KLHL1: variants seen among roughly 807,000 people sequenced by gnomAD.
KLHL1 encodes the protein kelch like family member 1.
In KLHL1, 47 loss-of-function variants were observed where a neutral mutation model predicts 77.7. That is an observed-to-expected ratio of 0.60 (90% CI 0.48 to 0.77). The LOEUF is 0.77. Ranked by LOEUF, KLHL1 falls within the 30% of genes least tolerant of loss-of-function variation. The pLI, the probability that KLHL1 is intolerant of heterozygous loss-of-function variation, is 0.00. For synonymous variants in KLHL1, 360 were observed against 325.2 expected, an observed-to-expected ratio of 1.11 and a Z score of -1.15; for missense variants, 925 against 910.8, an observed-to-expected ratio of 1.02 and a Z score of -0.20.
At chr13:69,976,328 A>C (rs1426339618) in intron 1 of KLHL1, among the ~76,000 whole-genome samples, 3 of 152,146 alleles carry the variant, frequency 2.0e-5, no homozygotes, top group East Asian at 1.9e-4. Context: ...ATTGACTTTC[A>C]TGTTCTGCAC....
chr13:69,915,442 A>G (rs1882393987), intron 4 of KLHL1, among the ~76,000 whole-genome samples: 1 of 152,180 alleles, frequency 6.6e-6, no homozygotes. Context: ...AATGCTGCAT[A>G]TCTACAACTA....
chr13:69,934,568 A>T (rs986975331), intron 4 of KLHL1, among the ~76,000 whole-genome samples: 2 of 152,010 alleles, frequency 1.3e-5, no homozygotes, highest in Non-Finnish European at 2.9e-5. Flanking sequence ...CTTAAAATTA[A>T]ACCTTTGTCC....
At chr13:69,905,257 G>A (rs1244999691) in intron 4 of KLHL1, among the ~76,000 whole-genome samples, 4 of 152,192 alleles carry the variant, frequency 2.6e-5, no homozygotes, top group South Asian at 2.1e-4. Flanking sequence ...ATGTAGTAAC[G>A]ATGCTGATAA....
At chr13:69,986,871 T>A (rs1050130502) in intron 1 of KLHL1, among the ~76,000 whole-genome samples, 1 of 151,952 alleles carries the variant, frequency 6.6e-6, no homozygotes, top group African/African-American at 2.4e-5. Flanking sequence ...ATATTAATAT[T>A]CAAAATTGAT....
At chr13:69,898,299 T>C (rs28760376) in intron 4 of KLHL1, among the ~76,000 whole-genome samples, 1 of 152,196 alleles carries the variant, frequency 6.6e-6, no homozygotes, top group Admixed American at 6.5e-5. Flanking sequence ...ACCTCAGGAC[T>C]GGGTTTTAAA....
At chr13:69,903,450 A>G (rs1881938749) in intron 4 of KLHL1, among the ~76,000 whole-genome samples, 1 of 151,998 alleles carries the variant, frequency 6.6e-6, no homozygotes, top group Non-Finnish European at 1.5e-5. Flanking sequence ...AATTGCATAA[A>G]CAAGCCTGAT....
intron 7 of KLHL1, among the ~76,000 whole-genome samples, chr13:69,792,708 C>A (rs1010175172): frequency 6.6e-6 from 1 of 152,004 alleles, no homozygotes; most frequent in African/African-American, 2.4e-5. Flanking sequence ...CATCCATAAA[C>A]GGAATGAAAT....
intron 1 of KLHL1, among the ~76,000 whole-genome samples, chr13:70,093,360 G>T (rs1219500229): frequency 6.6e-6 from 1 of 151,956 alleles, no homozygotes. Flanking sequence ...AACCAGATGG[G>T]GCATCTCTGA....
intron 3 of KLHL1, among the ~76,000 whole-genome samples, chr13:69,942,318 A>G (rs1240648933): frequency 6.6e-6 from 1 of 152,038 alleles, no homozygotes; most frequent in African/African-American, 2.4e-5. Context: ...TGAAATTTGA[A>G]TATAAGACTT....
intron 6 of KLHL1, among the ~76,000 whole-genome samples, chr13:69,812,886 C>T (rs1877946705): frequency 6.8e-6 from 1 of 146,286 alleles, no homozygotes. Flanking sequence ...GGACTGTAAA[C>T]TAGTTCAACC....
chr13:69,982,635 T>G (rs1884744334), intron 1 of KLHL1, among the ~76,000 whole-genome samples: 1 of 151,414 alleles, frequency 6.6e-6, no homozygotes, highest in Admixed American at 6.6e-5. Context: ...TGTCAATAAT[T>G]ACCTTAATGA....
intron 7 of KLHL1, among the ~76,000 whole-genome samples, chr13:69,751,662 G>A (rs1874486769): frequency 6.6e-6 from 1 of 152,058 alleles, no homozygotes; most frequent in South Asian, 2.1e-4. Context: ...ATACAGTGTG[G>A]GGCCTTGTAT....
At chr13:70,011,218 T>A (rs1048272203) in intron 1 of KLHL1, among the ~76,000 whole-genome samples, 12 of 152,210 alleles carry the variant, frequency 7.9e-5, no homozygotes, top group African/African-American at 2.6e-4. Flanking sequence ...TATTGTTGTC[T>A]CAAATGCCAA....
At chr13:69,770,106 G>A (rs1179899739) in intron 7 of KLHL1, among the ~76,000 whole-genome samples, 2 of 152,140 alleles carry the variant, frequency 1.3e-5, no homozygotes, top group African/African-American at 2.4e-5. Flanking sequence ...CTCCTCAGGA[G>A]AGAGCTATAA....
intron 1 of KLHL1, among the ~76,000 whole-genome samples, chr13:69,993,425 G>A (rs759426595): frequency 7.9e-5 from 12 of 151,960 alleles, no homozygotes; most frequent in Non-Finnish European, 1.2e-4. Flanking sequence ...TCATAAATAA[G>A]GAATCAATCT....
intron 7 of KLHL1, among the ~76,000 whole-genome samples, chr13:69,787,455 A>G (rs1321986477): frequency 6.6e-6 from 1 of 152,242 alleles, no homozygotes; most frequent in Non-Finnish European, 1.5e-5. Context: ...CTGGCTAGCC[A>G]TATGTAGAAA....
chr13:69,710,108 C>T (rs1444856868), intron 9 of KLHL1, among the ~76,000 whole-genome samples: 1 of 151,432 alleles, frequency 6.6e-6, no homozygotes, highest in Non-Finnish European at 1.5e-5. Context: ...CTTAATAGGT[C>T]ATGAGAACTG....
chr13:69,790,561 T>C (rs972438798), intron 7 of KLHL1, among the ~76,000 whole-genome samples: 3 of 151,270 alleles, frequency 2.0e-5, no homozygotes, highest in East Asian at 1.9e-4. Context: ...AACAAACAAA[T>C]AAAGAAATAC....
intron 4 of KLHL1, among the ~76,000 whole-genome samples, chr13:69,890,134 A>G (rs1468748349): frequency 1.3e-5 from 2 of 152,058 alleles, no homozygotes; most frequent in Non-Finnish European, 2.9e-5. Context: ...AATTACATTC[A>G]TTTTATAATA....
Sources: gnomAD v4.1 joint callset for allele counts (sites outside exome capture counted in the v4.1 genomes callset) on GRCh38, gnomAD v4.1.1 for gene constraint, MANE v1.5 for transcripts, NCBI Gene and HGNC (gene_info 2026-07-23, HGNC 2026-07-21) for gene names.